Variants in BCAR1 observed in about 807,000 individuals in gnomAD.
The protein encoded by BCAR1 is BCAR1 scaffold protein, Cas family member, also known as breast cancer anti-estrogen resistance protein 1.
Under a neutral mutation model 67.6 loss-of-function variants are expected in BCAR1, and 30 were observed. That is an observed-to-expected ratio of 0.44 (90% CI 0.33 to 0.60). The LOEUF (loss-of-function observed/expected upper bound fraction) is 0.60, where lower values mean the gene tolerates loss of function less well. Among genes scored for constraint, BCAR1 ranks in the 20% least tolerant of loss-of-function variants. BCAR1 has a pLI of 0.02. For missense variants in BCAR1, 1,313 were observed against 1,222.3 expected (o/e 1.07, Z -1.11); for synonymous variants, 626 against 556.7 (o/e 1.12, Z -1.75).
intron 1 of BCAR1, among the ~76,000 whole-genome samples, chr16:75,251,186 G>A (rs1392208271): frequency 6.6e-6 from 1 of 152,012 alleles, no homozygotes; most frequent in African/African-American, 2.4e-5. Context: ...CGGCCGGGGA[G>A]CGCGGGCCCC....
At chr16:75,251,723 T>C (rs1322506306), upstream of BCAR1, 241 of 981,620 alleles carry the variant, frequency 2.5e-4, no homozygotes, top group Non-Finnish European at 2.8e-4. Context: ...TCCATGCAAA[T>C]AAGCCGCCTG....
chr16:75,249,644 G>C (rs2077615772), intron 1 of BCAR1: 1 of 152,304 alleles, frequency 6.6e-6, no homozygotes, highest in Admixed American at 6.5e-5. Flanking sequence ...CTGACCAGTT[G>C]GTTTAGCCGG....
Position 75,266,584 on chromosome 16 carries a change from C to T in BCAR1, c.66+1331G>A, listed in dbSNP as rs962668510. 1.9e-5 allele frequency: 11 copies of T among 564,270 alleles called. 1 individual carries two copies. Among genetic ancestry groups the T allele is most frequent in the Admixed American group, 8.4e-5 (2 of 23,828 alleles). 35.0% of individuals were successfully genotyped at this position (564,270 alleles called of 1,614,324 possible). On this transcript the variant is annotated intron_variant, in intron 1 of 6. Coordinates refer to the BCAR1 transcript ENST00000393422. ...CCAATTTCAGCTGTTTCGCATCTAC[C>T]ATGGTGCCCACACATGGCACCTGCA...
chr16:75,266,384 A>C, intron 1 of BCAR1: 1 of 191,978 alleles, frequency 5.2e-6, no homozygotes, highest in Non-Finnish European at 1.1e-5. Flanking sequence ...CACCCCGGAA[A>C]CAGTCTAGCT....
Position 75,242,476 on chromosome 16 carries a change from CG to C in BCAR1, c.626del (p.Pro209ArgfsTer104). On this transcript the variant is annotated frameshift_variant, in exon 2 of 7. Transcript: ENST00000162330. LOFTEE classifies it high-confidence loss of function. Reference sequence around the variant, plus strand: ...TGTGCCAGGACAGCCTTACCTTTGCCGGGGGCTTCGTGCCCTCCCAGCTGCG... The same window carrying C: ...TGTGCCAGGACAGCCTTACCTTTGCCGGGGCTTCGTGCCCTCCCAGCTGCG... ...DTRSWEGTKP[P>X]AKVVVPTRVG... 1 of 1,454,696 alleles carries C rather than the reference CG, an allele frequency of 6.9e-7. No individual in the cohort carries two copies. The highest frequency in any genetic ancestry group is 9.1e-7 in the Non-Finnish European group (1 of 1,104,222). 90.1% of individuals were successfully genotyped at this position (1,454,696 alleles called of 1,614,324 possible).
At chr16:75,231,059 T>C (rs1242893576) in intron 6 of BCAR1, among the ~76,000 whole-genome samples, 2 of 151,838 alleles carry the variant, frequency 1.3e-5, no homozygotes, top group Non-Finnish European at 2.9e-5. Flanking sequence ...TATTTTTATT[T>C]TTATAAAGAA....
rs755596585 is a variant in BCAR1 at position 75,235,915 on chromosome 16, A to G, written c.984T>C (p.Asp328=). 1.3e-6 allele frequency: 2 copies of G among 1,567,558 alleles called. No individual in the cohort carries two copies. Among genetic ancestry groups the G allele is most frequent in the Admixed American group, 3.8e-5 (2 of 53,120 alleles). Residue 328 remains aspartate (D), a synonymous_variant, in exon 5 of 7, where the codon GAT becomes GAC. Coordinates refer to ENST00000162330, the MANE Select transcript of BCAR1 (RefSeq NM_014567.5). ...DGPLLREETY[D]VPPAFAKAKP... The stretch of plus-strand genomic sequence containing the variant: ...TGGCCTTGGCGAAGGCGGGGGGCAC[A>G]TCGTAGGTCTCCTCACGCAGCAGTG...
intron 4 of BCAR1, chr16:75,236,405 C>T (rs865862028): frequency 6.1e-6 from 2 of 330,350 alleles, no homozygotes; most frequent in South Asian, 4.9e-5. Flanking sequence ...TCACCATCAC[C>T]GCCGCTGCCA....
intron 3 of BCAR1, 37 bp downstream of exon 3, chr16:75,237,146 C>T (rs544641998): frequency 1.7e-5 from 26 of 1,491,644 alleles, no homozygotes; most frequent in Admixed American, 2.4e-5. Flanking sequence ...ACAGACTTGC[C>T]GCCCTGCCCT....
At chr16:75,265,826 G>C in intron 1 of BCAR1, 2 of 1,192,616 alleles carry the variant, frequency 1.7e-6, no homozygotes, top group Non-Finnish European at 2.1e-6. Flanking sequence ...GGTACTCACA[G>C]GCACGGACAT....
At chr16:75,236,630 G>A (rs938910623) in intron 4 of BCAR1, 2 of 595,764 alleles carry the variant, frequency 3.4e-6, no homozygotes, top group Non-Finnish European at 5.3e-6. Context: ...ACATCCCGTG[G>A]TCACCTTGCG....
In BCAR1 at chr16:75,245,151, C is replaced by G. The variant is rs368264860; in HGVS notation, c.13-2061G>C. Among the ~76,000 whole-genome samples the G allele has an allele frequency of 2.2e-3, 329 of 152,346 alleles. 2 individuals are homozygous for G. Among genetic ancestry groups the G allele is most frequent in the African/African-American group, 7.6e-3 (314 of 41,584 alleles). On this transcript the variant is annotated intron_variant, in intron 1 of 6. Transcript: ENST00000162330. ...GCCCACCGGGCTCAGGGCCCCCATC[C>G]CAGGCGGCCAGCAAGACAAGCATTT...
chr16:75,243,367 C>G, intron 1 of BCAR1: 1 of 630,684 alleles, frequency 1.6e-6, no homozygotes, highest in South Asian at 1.5e-5. Context: ...GGATGACCCT[C>G]AAGATATCCC....
chr16:75,234,011 C>T (rs1347651898), intron 5 of BCAR1, 76 bp from the exon 6 acceptor site: 1 of 1,448,198 alleles, frequency 6.9e-7, no homozygotes, highest in East Asian at 2.5e-5. Context: ...GTGGCGGGCG[C>T]AGTGAGCTGA....
At chr16:75,250,883 G>A in intron 1 of BCAR1, 1 of 985,526 alleles carries the variant, frequency 1.0e-6, no homozygotes, top group Non-Finnish European at 1.2e-6. Flanking sequence ...CAAAGCCCGC[G>A]GCGCGCCCGC....
chr16:75,252,767 C>T (rs1555546648), upstream of BCAR1, among the ~76,000 whole-genome samples: 1 of 152,220 alleles, frequency 6.6e-6, no homozygotes, highest in Non-Finnish European at 1.5e-5. Flanking sequence ...TGCAGCTGCC[C>T]CTCTGTCTGA....
chr16:75,248,153 C>T (rs368077323), intron 1 of BCAR1: 685 of 1,589,676 alleles, frequency 4.3e-4, no homozygotes, highest in Non-Finnish European at 5.2e-4. Context: ...GGCTGAGACA[C>T]GGTGGAGCTG....
In BCAR1 at chr16:75,237,186, C is replaced by T. The variant is rs745655134; in HGVS notation, c.792G>A (p.Gln264=). ...CCGCTGCGCACCCCACACCTACCTC[C>T]TGGCCATACTGGCTGGGAAGCAGCC... ...VRGLLPSQYG[Q]EVYDTPPMAV... is the part of the protein sequence containing the mutation. Residue 264 remains glutamine (Q), a synonymous_variant, in exon 3 of 7, where the codon CAG becomes CAA. Coordinates refer to ENST00000162330, the MANE Select transcript of BCAR1 (RefSeq NM_014567.5). 6 of 1,571,766 alleles carry T rather than the reference C, an allele frequency of 3.8e-6. No homozygotes were observed. The African/African-American group carries it at 6.8e-5, about 18-fold the overall frequency.
chr16:75,263,402 G>C (rs749496882), intron 1 of BCAR1: 58 of 985,428 alleles, frequency 5.9e-5, no homozygotes, highest in Non-Finnish European at 7.0e-5. Context: ...GCGAGAGGAA[G>C]GCATGGGAAT....
Sources: gnomAD v4.1 joint callset for allele counts (sites outside exome capture counted in the v4.1 genomes callset) on GRCh38, gnomAD v4.1.1 for gene constraint, MANE v1.5 for transcripts, NCBI Gene and HGNC (gene_info 2026-07-23, HGNC 2026-07-21) for gene names.